The following ATP8A2 variants were observed in gnomAD, a reference collection of about 807,000 sequenced individuals.
The protein encoded by ATP8A2 is phospholipid-transporting ATPase IB.
In ATP8A2, 100 loss-of-function variants were observed where a neutral mutation model predicts 165.6. The observed-to-expected ratio is 0.60, with a 90% CI of 0.51 to 0.71. The LOEUF (loss-of-function observed/expected upper bound fraction) is 0.71. Ranked by LOEUF, ATP8A2 falls within the 30% of genes least tolerant of loss-of-function variation. The probability of loss-of-function intolerance (pLI) is 0.00; values close to 1 mark genes in which losing one functional copy is unlikely to be tolerated. For missense variants in ATP8A2, 1,227 were observed against 1,479.5 expected (o/e 0.83, Z 2.80); for synonymous variants, 543 against 548.8 (o/e 0.99, Z 0.15).
chr13:25,856,968 C>A (rs572917161), intron 30 of ATP8A2, among the ~76,000 whole-genome samples: 14 of 152,194 alleles, frequency 9.2e-5, no homozygotes, highest in Admixed American at 2.0e-4. Flanking sequence ...ATGGTCCATT[C>A]TCCCATAAAA....
chr13:25,723,251 T>C (rs1354256356), intron 25 of ATP8A2, among the ~76,000 whole-genome samples: 4 of 152,350 alleles, frequency 2.6e-5, no homozygotes, highest in Non-Finnish European at 2.9e-5. Flanking sequence ...CAAACTTATA[T>C]TCTTAAGTGA....
At chr13:25,929,927 G>A (rs1003899022) in intron 33 of ATP8A2, among the ~76,000 whole-genome samples, 79 of 152,150 alleles carry the variant, frequency 5.2e-4, no homozygotes, top group African/African-American at 1.8e-3. Context: ...TGAACTTCCC[G>A]AACGTGAACT....
intron 13 of ATP8A2, among the ~76,000 whole-genome samples, chr13:25,555,800 G>A (rs1247133669): frequency 1.3e-5 from 2 of 151,912 alleles, no homozygotes; most frequent in African/African-American, 4.8e-5. Context: ...AGTCCCCAGT[G>A]TCTCTTGTTC....
chr13:25,860,018 A>G (rs958444864), intron 30 of ATP8A2, among the ~76,000 whole-genome samples, 177 bp from the exon 31 acceptor site: 4 of 152,232 alleles, frequency 2.6e-5, no homozygotes, highest in African/African-American at 9.6e-5. Context: ...TGGAGAGAAT[A>G]TAAGATGAAA....
intron 24 of ATP8A2, among the ~76,000 whole-genome samples, chr13:25,693,761 C>G (rs974536281): frequency 2.0e-5 from 3 of 152,170 alleles, no homozygotes; most frequent in Non-Finnish European, 4.4e-5. Context: ...ACGATCTTGG[C>G]TCACTGCAAC....
intron 1 of ATP8A2, among the ~76,000 whole-genome samples, chr13:25,428,861 A>G (rs1454459895): frequency 1.3e-5 from 2 of 152,114 alleles, no homozygotes. Flanking sequence ...CAGAGGCGTG[A>G]TGGCCTCTGT....
intron 1 of ATP8A2, among the ~76,000 whole-genome samples, chr13:25,454,012 A>C (rs2035296246): frequency 6.6e-6 from 1 of 152,178 alleles, no homozygotes; most frequent in Non-Finnish European, 1.5e-5. Context: ...GGTAGTTGGC[A>C]GCAAAGAAAT....
chr13:25,642,984 G>A (rs1324277796), intron 24 of ATP8A2, among the ~76,000 whole-genome samples: 1 of 152,078 alleles, frequency 6.6e-6, no homozygotes, highest in African/African-American at 2.4e-5. Flanking sequence ...AACACTGCAT[G>A]TACTCACTCA....
intron 36 of ATP8A2, among the ~76,000 whole-genome samples, chr13:26,018,918 T>A (rs1284047224): frequency 6.6e-6 from 1 of 152,264 alleles, no homozygotes; most frequent in African/African-American, 2.4e-5. Context: ...CACATGGCAT[T>A]TAATGAGTCT....
rs548747087 is a variant in ATP8A2, at chr13:25,765,579, A to G, written c.2385-3467A>G. ...TTCTCAAGGCATTACAGCTGAGGGC[A>G]TAATAAATCCTTGATGAGAATTTCA... On this transcript the variant is annotated intron_variant, in intron 25 of 36. Transcript: ENST00000381655. Among the ~76,000 whole-genome samples the G allele has an allele frequency of 8.4e-4, 128 of 152,316 alleles. 1 individual carries two copies. Among genetic ancestry groups the G allele is most frequent in the South Asian group, 4.6e-3 (22 of 4,818 alleles).
In ATP8A2 at chr13:25,372,773, A is replaced by C. The variant is rs2032466526; in HGVS notation, c.76+485A>C. On this transcript the variant is annotated intron_variant, in intron 1 of 36. Coordinates refer to ENST00000381655, the MANE Select transcript of ATP8A2 (RefSeq NM_016529.6). This position sits in a 1 kb window ranked among gnomAD's most constrained non-coding sequence, Gnocchi z 4.8. ...CCGAAGGGTCCCTCGAGTGATTCTC[A>C]CCACTTGGAGCCCCGGGTCCTCGCG... 6.6e-6 allele frequency among the ~76,000 whole-genome samples: 1 copy of C among 152,188 alleles called. No homozygotes were observed. The highest frequency in any genetic ancestry group is 6.5e-5 in the Admixed American group (1 of 15,290).
chr13:25,975,216 A>T (rs1956004924), intron 35 of ATP8A2, among the ~76,000 whole-genome samples: 1 of 152,140 alleles, frequency 6.6e-6, no homozygotes, highest in South Asian at 2.1e-4. Context: ...ACACTCTCTG[A>T]TGTCACCAAC....
intron 1 of ATP8A2, among the ~76,000 whole-genome samples, chr13:25,386,004 C>T (rs1334964245): frequency 3.9e-5 from 6 of 151,940 alleles, no homozygotes; most frequent in African/African-American, 1.5e-4. Context: ...CAACCTCTGC[C>T]TCCTGGGTTC....
At chr13:25,792,781 G>T (rs929406752) in intron 27 of ATP8A2, among the ~76,000 whole-genome samples, 1 of 151,746 alleles carries the variant, frequency 6.6e-6, no homozygotes, top group South Asian at 2.1e-4. Context: ...ATAGCCGGGG[G>T]TGGTGGTATG....
At chr13:25,415,350 T>G (rs965385758) in intron 1 of ATP8A2, among the ~76,000 whole-genome samples, 14 of 152,130 alleles carry the variant, frequency 9.2e-5, no homozygotes, top group Non-Finnish European at 1.9e-4. Context: ...AGGTCCCCAG[T>G]AGAACCACTT....
intron 1 of ATP8A2, among the ~76,000 whole-genome samples, chr13:25,420,208 CT>C (rs931474992): frequency 6.6e-6 from 1 of 152,182 alleles, no homozygotes; most frequent in African/African-American, 2.4e-5. Flanking sequence ...TTCTTTCTTT[CT>C]GTAATTTACA....
intron 6 of ATP8A2, 143 bp downstream of exon 6, chr13:25,533,456 C>G: frequency 7.8e-6 from 4 of 512,738 alleles, no homozygotes; most frequent in Non-Finnish European, 1.4e-5. Flanking sequence ...CGTGTTTACT[C>G]CTTCCCTTGC....
chr13:25,374,123 G>T (rs1008920182), intron 1 of ATP8A2, among the ~76,000 whole-genome samples: 2 of 152,130 alleles, frequency 1.3e-5, no homozygotes, highest in African/African-American at 4.8e-5. Context: ...GGGAGATGAG[G>T]GTCAACAGAA....
intron 13 of ATP8A2, among the ~76,000 whole-genome samples, chr13:25,555,339 T>G (rs897722066): frequency 4.6e-5 from 7 of 152,110 alleles, no homozygotes; most frequent in Admixed American, 2.6e-4. Flanking sequence ...CAACATCATT[T>G]GGGACGCTTA....
Sources: allele counts gnomAD v4.1 joint callset (sites outside exome capture counted in the v4.1 genomes callset), GRCh38; gene constraint gnomAD v4.1.1; non-coding constraint Gnocchi (gnomAD v3.1); transcripts MANE v1.5; gene names NCBI Gene and HGNC (gene_info 2026-07-23, HGNC 2026-07-21).